Variants in FAM107B observed in about 807,000 individuals in gnomAD.
The protein encoded by FAM107B is protein FAM107B.
FAM107B carries 21 observed loss-of-function variants against 31.5 expected under a neutral mutation model. The observed-to-expected ratio is 0.67, with a 90% CI of 0.47 to 0.96. FAM107B has a LOEUF of 0.96. Among genes scored for constraint, FAM107B ranks in the 40% least tolerant of loss-of-function variants. The pLI, the probability that FAM107B is intolerant of heterozygous loss-of-function variation, is 0.00. For missense variants in FAM107B, 452 were observed against 377.1 expected (o/e 1.20, Z -1.64); for synonymous variants, 157 against 141.5 (o/e 1.11, Z -0.78).
At chr10:14,564,015 AGTAT>A (rs1387305737) in intron 2 of FAM107B, among the ~76,000 whole-genome samples, 3 of 152,134 alleles carry the variant, frequency 2.0e-5, no homozygotes, top group African/African-American at 7.2e-5. Context: ...CCTTTTTATT[AGTAT>A]GTAACAGGTT....
rs1845663423 is a variant in FAM107B, at chr10:14,521,777, C to T, written c.804+92G>A. ...TTCTTTCATGGTATAAATGTATACACTGGCACGTCTGGTAAATCCTGCCCG... is the reference window on the plus strand; with the variant it reads ...TTCTTTCATGGTATAAATGTATACATTGGCACGTCTGGTAAATCCTGCCCG... On this transcript the variant is annotated intron_variant, in intron 4 of 4. Coordinates refer to ENST00000181796, the MANE Select transcript of FAM107B (RefSeq NM_031453.4). The T allele has an allele frequency of 5.3e-6, 8 of 1,511,096 alleles. No homozygotes were observed. The Admixed American group carries it at 1.5e-4, about 28-fold the overall frequency. The allele number at this position is 1,511,096 out of a possible 1,614,324, so 93.6% of individuals were successfully genotyped here.
intron 2 of FAM107B, among the ~76,000 whole-genome samples, chr10:14,621,833 C>T (rs549896199): frequency 2.1e-4 from 32 of 151,820 alleles, no homozygotes; most frequent in African/African-American, 7.7e-4. Context: ...GCTTGGAGAG[C>T]AAAAAGAAAG....
intron 1 of FAM107B, among the ~76,000 whole-genome samples, chr10:14,767,087 G>GAC (rs1833194225): frequency 9.0e-6 from 1 of 111,330 alleles, no homozygotes; most frequent in African/African-American, 4.0e-5. Context: ...GAGAGAGAGA[G>GAC]AGAGAGAGAG....
intron 2 of FAM107B, among the ~76,000 whole-genome samples, chr10:14,598,807 T>A (rs1401480812): frequency 2.0e-5 from 3 of 152,226 alleles, no homozygotes. Context: ...AGGGACCACA[T>A]GTCCCCACCA....
At chr10:14,735,417 G>A (rs1856277293) in intron 1 of FAM107B, among the ~76,000 whole-genome samples, 1 of 152,160 alleles carries the variant, frequency 6.6e-6, no homozygotes, top group South Asian at 2.1e-4. Flanking sequence ...ATACTCATCT[G>A]TTGGAGCTAT....
At chr10:14,607,927 A>G (rs974962621) in intron 2 of FAM107B, among the ~76,000 whole-genome samples, 4 of 152,182 alleles carry the variant, frequency 2.6e-5, no homozygotes, top group Non-Finnish European at 5.9e-5. Context: ...AGGGTCACCC[A>G]TATACTCCAC....
chr10:14,541,563 G>A (rs2130965662), intron 2 of FAM107B, among the ~76,000 whole-genome samples: 1 of 152,192 alleles, frequency 6.6e-6, no homozygotes, highest in Admixed American at 6.5e-5. Flanking sequence ...TCTTCCCGGG[G>A]CCTCTCCTCC....
intron 1 of FAM107B, among the ~76,000 whole-genome samples, chr10:14,755,127 A>G (rs1230941769): frequency 6.6e-6 from 1 of 152,238 alleles, no homozygotes; most frequent in Non-Finnish European, 1.5e-5. Flanking sequence ...GAGCCAAGTC[A>G]TAAACATAGT....
chr10:14,602,132 C>T (rs1588650716), intron 2 of FAM107B, among the ~76,000 whole-genome samples: 1 of 152,128 alleles, frequency 6.6e-6, no homozygotes, highest in East Asian at 1.9e-4. Flanking sequence ...TGAAGGAATG[C>T]CGATCATCAG....
At chr10:14,570,697 G>A (rs1415282958) in intron 2 of FAM107B, among the ~76,000 whole-genome samples, 1 of 151,986 alleles carries the variant, frequency 6.6e-6, no homozygotes, top group African/African-American at 2.4e-5. Context: ...AGCTACTTGG[G>A]AGGCTGAGGC....
At chr10:14,600,237 A>G (rs920637790) in intron 2 of FAM107B, among the ~76,000 whole-genome samples, 5 of 152,146 alleles carry the variant, frequency 3.3e-5, no homozygotes, top group African/African-American at 7.2e-5. Context: ...TCCTACCACA[A>G]CCGGCTTCCC....
chr10:14,761,605 C>CT (rs908789877), intron 1 of FAM107B, among the ~76,000 whole-genome samples: 6 of 151,552 alleles, frequency 4.0e-5, no homozygotes, highest in African/African-American at 9.7e-5. Context: ...GCTCTTTTTT[C>CT]TTTTTTTTCT....
intron 1 of FAM107B, among the ~76,000 whole-genome samples, chr10:14,747,067 C>G (rs1832739337): frequency 1.3e-5 from 2 of 152,068 alleles, no homozygotes; most frequent in Non-Finnish European, 1.5e-5. Context: ...AAATTCTTTC[C>G]TCTACTTGAT....
At chr10:14,726,245 G>A (rs912484928) in intron 1 of FAM107B, among the ~76,000 whole-genome samples, 3 of 152,050 alleles carry the variant, frequency 2.0e-5, no homozygotes, top group Admixed American at 1.3e-4. Context: ...TGCCTGCCTC[G>A]GCCTCCCAAA....
chr10:14,762,801 C>A (rs113742870), intron 1 of FAM107B, among the ~76,000 whole-genome samples: 4,319 of 141,190 alleles, frequency 0.031, 223 homozygotes, highest in African/African-American at 0.1. Flanking sequence ...CACACACACA[C>A]AAAAAGAACA....
chr10:14,719,280 T>G (rs1433340568), intron 1 of FAM107B, among the ~76,000 whole-genome samples: 1 of 152,192 alleles, frequency 6.6e-6, no homozygotes, highest in Non-Finnish European at 1.5e-5. Flanking sequence ...CCTATTTTCT[T>G]GCCTCTAAAA....
intron 2 of FAM107B, among the ~76,000 whole-genome samples, chr10:14,643,813 C>G (rs544153328): frequency 4.5e-4 from 69 of 152,332 alleles, no homozygotes; most frequent in African/African-American, 1.7e-3. Context: ...CTTGGCACCT[C>G]AAGGCCCACT....
At chr10:14,705,023 C>CAAAAAAAAA (rs57922026) in intron 1 of FAM107B, among the ~76,000 whole-genome samples, 19 of 87,866 alleles carry the variant, frequency 2.2e-4, no homozygotes, top group African/African-American at 6.6e-4. Context: ...GACCCTGTCA[C>CAAAAAAAAA]AAAAAAAAAA....
At chr10:14,770,960 T>C (rs1833286760) in intron 1 of FAM107B, among the ~76,000 whole-genome samples, 1 of 131,634 alleles carries the variant, frequency 7.6e-6, no homozygotes, top group Non-Finnish European at 1.6e-5. Flanking sequence ...TCTTACCTTA[T>C]GTCTGAGGCT....
Sources: gnomAD v4.1 joint callset for allele counts (sites outside exome capture counted in the v4.1 genomes callset) on GRCh38, gnomAD v4.1.1 for gene constraint, MANE v1.5 for transcripts, NCBI Gene and HGNC (gene_info 2026-07-23, HGNC 2026-07-21) for gene names.